FRAS1: variants seen among roughly 807,000 people sequenced by gnomAD.
FRAS1 encodes Fraser extracellular matrix complex subunit 1.
A neutral mutation model predicts 435.2 loss-of-function variants in FRAS1; 290 were observed. That is an observed-to-expected ratio of 0.67 (90% CI 0.61 to 0.73). The LOEUF is 0.73. Ranked by LOEUF, FRAS1 falls within the 30% of genes least tolerant of loss-of-function variation. The pLI is 0.00. For missense variants in FRAS1, 4,860 were observed against 5,001.5 expected, an observed-to-expected ratio of 0.97 and a Z score of 0.85; for synonymous variants, 1,800 against 1,851.0, an observed-to-expected ratio of 0.97 and a Z score of 0.71.
intron 2 of FRAS1, among the ~76,000 whole-genome samples, chr4:78,192,402 T>C (rs978344215): frequency 1.3e-5 from 2 of 151,252 alleles, no homozygotes; most frequent in Non-Finnish European, 3.0e-5. Context: ...CTGTGAATCC[T>C]GGACCTTTTT....
Position 78,540,822 on chromosome 4 carries a change from A to T in FRAS1, c.11737A>T (p.Ile3913Phe), listed in dbSNP as rs372097379. The change falls in exon 74 of 74, where the codon ATC (isoleucine) becomes TTC (phenylalanine). Residue 3913 changes from isoleucine to phenylalanine, a missense_variant. Coordinates refer to ENST00000512123, the MANE Select transcript of FRAS1 (RefSeq NM_025074.7). ...GTCCATTGGCAGTGCCCTGGCTGCA[A>T]TCATGCTTCTACTTCTGGTGTTTTT... ...GASIGSALAA[I>F]MLLLLVFLVA... 2 of 1,613,894 alleles carry T rather than the reference A, an allele frequency of 1.2e-6. No individual in the cohort carries two copies. Among genetic ancestry groups the T allele is most frequent in the African/African-American group, 2.7e-5 (2 of 74,928 alleles).
At chr4:78,087,336 T>C (rs370935623) in intron 2 of FRAS1, among the ~76,000 whole-genome samples, 6,617 of 151,126 alleles carry the variant, frequency 0.044, 419 homozygotes, top group African/African-American at 0.13. Context: ...TGGACAAAAA[T>C]TGGAAGCATT....
At chr4:78,297,717 G>T (rs1728202346) in intron 14 of FRAS1, among the ~76,000 whole-genome samples, 1 of 152,020 alleles carries the variant, frequency 6.6e-6, no homozygotes, top group South Asian at 2.1e-4. Context: ...AACATTTATT[G>T]CCACAATGTT....
intron 2 of FRAS1, among the ~76,000 whole-genome samples, chr4:78,102,635 G>A (rs1742191048): frequency 6.6e-6 from 1 of 152,150 alleles, no homozygotes; most frequent in African/African-American, 2.4e-5. Context: ...AACATGAGAA[G>A]TTGAAGAATT....
At chr4:78,087,887 A>G (rs889531602) in intron 2 of FRAS1, among the ~76,000 whole-genome samples, 2 of 152,112 alleles carry the variant, frequency 1.3e-5, no homozygotes, top group East Asian at 1.9e-4. Flanking sequence ...TCCTCATCAA[A>G]CTACCAATGA....
intron 55 of FRAS1, 81 bp downstream of exon 55, chr4:78,478,142 C>T: frequency 7.1e-7 from 1 of 1,402,296 alleles, no homozygotes. Context: ...AAGCACTCAT[C>T]TCATGCATTA....
At chr4:78,522,005 T>G (rs541585687) in intron 68 of FRAS1, among the ~76,000 whole-genome samples, 1 of 152,366 alleles carries the variant, frequency 6.6e-6, no homozygotes, top group Non-Finnish European at 1.5e-5. Flanking sequence ...TTTGTTTATT[T>G]TATAACTGCT....
At chr4:78,411,279 T>G (rs1733325233) in intron 31 of FRAS1, among the ~76,000 whole-genome samples, 3 of 151,870 alleles carry the variant, frequency 2.0e-5, no homozygotes, top group Admixed American at 2.0e-4. Flanking sequence ...CCCAGCTAAT[T>G]TTTTGTATTT....
At chr4:78,380,199 T>G (rs1731958920) in intron 27 of FRAS1, among the ~76,000 whole-genome samples, 1 of 152,196 alleles carries the variant, frequency 6.6e-6, no homozygotes, top group Non-Finnish European at 1.5e-5. Flanking sequence ...TAGAGACATT[T>G]TCGTTTTCTC....
At chr4:78,165,202 T>C (rs1205434106) in intron 2 of FRAS1, among the ~76,000 whole-genome samples, 1 of 152,218 alleles carries the variant, frequency 6.6e-6, no homozygotes, top group Non-Finnish European at 1.5e-5. Context: ...CAAAAGTTTA[T>C]AAAACACTTT....
At chr4:78,450,685 G>A (rs1048940327) in intron 45 of FRAS1, among the ~76,000 whole-genome samples, 1 of 152,072 alleles carries the variant, frequency 6.6e-6, no homozygotes, top group East Asian at 1.9e-4. Flanking sequence ...TGAAAATTAT[G>A]CCTTCCTTAG....
Position 78,363,574 on chromosome 4 carries a change from C to T in FRAS1, c.2484C>T (p.Leu828=), listed in dbSNP as rs772860671. 5 of 1,612,834 alleles carry T rather than the reference C, an allele frequency of 3.1e-6. No individual in the cohort carries two copies. Among genetic ancestry groups the T allele is most frequent in the South Asian group, 1.1e-5 (1 of 90,662 alleles). ...ADLHNTGSIC[L]RCQNAHYLLL... The stretch of plus-strand genomic sequence containing the variant: ...TCCACAACACTGGGAGCATCTGCCT[C>T]AGGTGCCAGAATGCCCACTACCTGC... The change falls in exon 21 of 74, where the codon CTC becomes CTT. Residue 828 remains leucine (L), a synonymous_variant. Transcript: ENST00000512123.
At chr4:78,143,981 CA>C (rs909860758) in intron 2 of FRAS1, among the ~76,000 whole-genome samples, 1 of 148,284 alleles carries the variant, frequency 6.7e-6, no homozygotes, top group Non-Finnish European at 1.5e-5. Context: ...AAATCAATCA[CA>C]AAAAATACTT....
chr4:78,299,862 C>G (rs1728309928), intron 14 of FRAS1, among the ~76,000 whole-genome samples: 1 of 152,236 alleles, frequency 6.6e-6, no homozygotes, highest in South Asian at 2.1e-4. Context: ...ACCAGTGCAC[C>G]TAGGCAACAG....
intron 59 of FRAS1, among the ~76,000 whole-genome samples, chr4:78,494,378 C>T (rs1234448383): frequency 6.6e-6 from 1 of 152,016 alleles, no homozygotes; most frequent in East Asian, 1.9e-4. Context: ...GCAGGCTGTA[C>T]AAGAAACATG....
rs535508420 is a variant in FRAS1, at chr4:78,501,987, C to G, written c.9316+2066C>G. Reference sequence around the variant, plus strand: ...CATTTATTAAGTAGGGAATTATTTCCCCATTGCTTTTGTCAGGTTTGTCAA... The same window carrying G: ...CATTTATTAAGTAGGGAATTATTTCGCCATTGCTTTTGTCAGGTTTGTCAA... On this transcript the variant is annotated intron_variant, in intron 61 of 73. Transcript: ENST00000512123. Among the ~76,000 whole-genome samples, 117 of 152,138 alleles carry G rather than the reference C, an allele frequency of 7.7e-4. 2 individuals carry two copies. Among genetic ancestry groups the G allele is most frequent in the Middle Eastern group, 3.4e-3 (1 of 294 alleles).
In FRAS1 at chr4:78,082,749, A is replaced by G. The variant is rs568367146; in HGVS notation, c.108+16733A>G. 6.0e-4 allele frequency among the ~76,000 whole-genome samples: 91 copies of G among 151,888 alleles called. 1 individual carries two copies. The highest frequency in any genetic ancestry group is 6.8e-3 in the Middle Eastern group (2 of 294). On this transcript the variant is annotated intron_variant, in intron 2 of 73. Coordinates refer to ENST00000512123, the MANE Select transcript of FRAS1 (RefSeq NM_025074.7). ...GAACTCCTTCTGAATTATAGGCCAAAATCAATTAATTGATCCTTAAAAATT... is the reference window on the plus strand; with the variant it reads ...GAACTCCTTCTGAATTATAGGCCAAGATCAATTAATTGATCCTTAAAAATT...
chr4:78,425,470 T>G (rs1328386646), intron 35 of FRAS1, among the ~76,000 whole-genome samples: 1 of 152,212 alleles, frequency 6.6e-6, no homozygotes, highest in East Asian at 1.9e-4. Context: ...AATTGCTGTT[T>G]AGATGGGATT....
At position 78,124,440 on chromosome 4, in the gene FRAS1, T is replaced by A. The variant is rs185664179; in HGVS notation, c.108+58424T>A. On this transcript the variant is annotated intron_variant, in intron 2 of 73. Coordinates refer to ENST00000512123, the MANE Select transcript of FRAS1 (RefSeq NM_025074.7). ...GATATTGGTCTAAAATTCTCTTTTT[T>A]TGTTGTGTCTCTGCCAGGCTTTGGC... Among the ~76,000 whole-genome samples the A allele has an allele frequency of 1.4e-3, 216 of 152,326 alleles. 2 individuals carry two copies. Among genetic ancestry groups the A allele is most frequent in the South Asian group, 0.012 (58 of 4,824 alleles).
Sources: gnomAD v4.1 joint callset for allele counts (sites outside exome capture counted in the v4.1 genomes callset) on GRCh38, gnomAD v4.1.1 for gene constraint, MANE v1.5 for transcripts, NCBI Gene and HGNC (gene_info 2026-07-23, HGNC 2026-07-21) for gene names.